Variants in RBFOX1 observed in about 807,000 individuals in gnomAD.
The protein encoded by RBFOX1 is RNA binding protein fox-1 homolog 1.
A neutral mutation model predicts 57.7 loss-of-function variants in RBFOX1; 8 were observed. The observed-to-expected ratio is 0.14, with a 90% CI of 0.08 to 0.25. The LOEUF (loss-of-function observed/expected upper bound fraction) is 0.25, where lower values mean the gene tolerates loss of function less well. Ranked by LOEUF, RBFOX1 falls within the 10% of genes least tolerant of loss-of-function variation. The pLI, the probability that RBFOX1 is intolerant of heterozygous loss-of-function variation, is 1.00. For synonymous variants in RBFOX1, 326 were observed against 222.4 expected (o/e 1.47, Z -4.15); for missense variants, 611 against 548.5 (o/e 1.11, Z -1.14).
intron 4 of RBFOX1, among the ~76,000 whole-genome samples, chr16:7,371,919 A>G (rs2097573663): frequency 6.6e-6 from 1 of 151,776 alleles, no homozygotes; most frequent in Non-Finnish European, 1.5e-5. Context: ...CAGTTTTTCT[A>G]CACTAGGTGG....
intron 3 of RBFOX1, among the ~76,000 whole-genome samples, chr16:5,763,872 T>G (rs1443809203): frequency 6.6e-6 from 1 of 152,228 alleles, no homozygotes; most frequent in Non-Finnish European, 1.5e-5. Context: ...ACTCCTTCTT[T>G]TGGGTTTCCC....
At chr16:7,532,952 C>T (rs1354527335) in intron 5 of RBFOX1, among the ~76,000 whole-genome samples, 1 of 152,172 alleles carries the variant, frequency 6.6e-6, no homozygotes, top group African/African-American at 2.4e-5. Context: ...TTATTGGACT[C>T]ACATTAATTA....
At chr16:6,075,975 C>T (rs1017104805) in intron 1 of RBFOX1, among the ~76,000 whole-genome samples, 2 of 152,250 alleles carry the variant, frequency 1.3e-5, no homozygotes, top group East Asian at 1.9e-4. Flanking sequence ...GAAACAGAGG[C>T]TTATCTTCTG....
chr16:7,137,428 T>G (rs2072344008), intron 4 of RBFOX1, among the ~76,000 whole-genome samples: 1 of 152,116 alleles, frequency 6.6e-6, no homozygotes, highest in African/African-American at 2.4e-5. Flanking sequence ...TCTGATGAGA[T>G]CTGATGGTTT....
rs1456264968 is a variant in RBFOX1, at chr16:6,977,347, T to C, written c.-15-74710T>C. Among the ~76,000 whole-genome samples the C allele has an allele frequency of 3.9e-5, 6 of 152,172 alleles. No individual in the cohort carries two copies. The East Asian group carries it at 1.2e-3, about 29-fold the overall frequency. ...TGATATTATGATCTTTGAAGCAAAATTAGGAATGCCTTTGTTCTCTAGATA... is the reference window on the plus strand; with the variant it reads ...TGATATTATGATCTTTGAAGCAAAACTAGGAATGCCTTTGTTCTCTAGATA... On this transcript the variant is annotated intron_variant, in intron 3 of 15. Transcript: ENST00000550418.
intron 4 of RBFOX1, among the ~76,000 whole-genome samples, chr16:7,277,687 C>G (rs982627240): frequency 3.3e-5 from 5 of 152,082 alleles, no homozygotes; most frequent in Admixed American, 6.5e-5. Context: ...AGGGCGGATA[C>G]CCATCGAAAA....
intron 3 of RBFOX1, among the ~76,000 whole-genome samples, chr16:7,037,585 G>C (rs756296098): frequency 3.3e-5 from 5 of 152,188 alleles, no homozygotes; most frequent in African/African-American, 4.8e-5. Flanking sequence ...ACTGAATTCA[G>C]TTTACTTTCT....
intron 3 of RBFOX1, among the ~76,000 whole-genome samples, chr16:5,848,775 C>T (rs559032333): frequency 2.0e-5 from 3 of 151,986 alleles, no homozygotes; most frequent in East Asian, 1.9e-4. Flanking sequence ...GGTGAAACCC[C>T]GTCTCTAATA....
At chr16:5,382,428 T>C (rs568903) in intron 1 of RBFOX1, among the ~76,000 whole-genome samples, 84,902 of 151,612 alleles carry the variant, frequency 0.56, 24,182 homozygotes, top group African/African-American at 0.62. Flanking sequence ...CCAACACTAT[T>C]TTTAAGTATG....
chr16:6,588,727 C>G (rs530928308), intron 2 of RBFOX1, among the ~76,000 whole-genome samples: 2 of 152,304 alleles, frequency 1.3e-5, no homozygotes, highest in East Asian at 3.9e-4. Context: ...CAAAGTTAGT[C>G]TTGGACCATT....
intron 2 of RBFOX1, among the ~76,000 whole-genome samples, chr16:6,572,695 C>G (rs1396394258): frequency 6.6e-6 from 1 of 151,968 alleles, no homozygotes; most frequent in African/African-American, 2.4e-5. Flanking sequence ...CGGGCTCAAG[C>G]GATTCTCTTG....
intron 3 of RBFOX1, among the ~76,000 whole-genome samples, chr16:5,612,347 A>G (rs2047854166): frequency 1.3e-5 from 2 of 151,038 alleles, no homozygotes; most frequent in Non-Finnish European, 2.9e-5. Context: ...CCATCTGTCC[A>G]TCCATGCAAT....
chr16:6,810,923 T>TTTGGCTCC (rs1264548208), intron 3 of RBFOX1, among the ~76,000 whole-genome samples: 4 of 152,190 alleles, frequency 2.6e-5, no homozygotes, highest in Non-Finnish European at 4.4e-5. Context: ...AGCCAAATCA[T>TTTGGCTCC]ATCAAGGTTC....
chr16:5,683,412 C>T (rs1009739109), intron 3 of RBFOX1, among the ~76,000 whole-genome samples: 5 of 151,726 alleles, frequency 3.3e-5, no homozygotes, highest in Non-Finnish European at 7.4e-5. Flanking sequence ...AGTATTAGTC[C>T]TGGGTGTGTC....
intron 4 of RBFOX1, among the ~76,000 whole-genome samples, chr16:7,278,704 A>C (rs1229322963): frequency 6.6e-6 from 1 of 152,232 alleles, no homozygotes; most frequent in Non-Finnish European, 1.5e-5. Flanking sequence ...TTCAGTGAAA[A>C]CATATTACAA....
At chr16:6,597,570 G>C (rs2154001012) in intron 2 of RBFOX1, among the ~76,000 whole-genome samples, 1 of 152,212 alleles carries the variant, frequency 6.6e-6, no homozygotes, top group East Asian at 1.9e-4. Flanking sequence ...CTATTCGGGA[G>C]GCTGAGGCAG....
chr16:6,342,819 A>C (rs775287949), intron 2 of RBFOX1, among the ~76,000 whole-genome samples: 2 of 152,188 alleles, frequency 1.3e-5, no homozygotes, highest in Non-Finnish European at 2.9e-5. Context: ...GTCTATGCTA[A>C]TCACCTTGAC....
At chr16:5,911,128 A>T (rs938967061) in intron 4 of RBFOX1, among the ~76,000 whole-genome samples, 1 of 152,134 alleles carries the variant, frequency 6.6e-6, no homozygotes, top group Non-Finnish European at 1.5e-5. Context: ...ACTGGCATTG[A>T]TGGAGGGAGC....
At chr16:6,485,376 C>A (rs138442632) in intron 2 of RBFOX1, among the ~76,000 whole-genome samples, 23 of 152,140 alleles carry the variant, frequency 1.5e-4, no homozygotes, top group Admixed American at 6.5e-4. Flanking sequence ...CTCTTGGTCT[C>A]CCTCTGGGTA....
Sources: allele counts gnomAD v4.1 joint callset (sites outside exome capture counted in the v4.1 genomes callset), GRCh38; gene constraint gnomAD v4.1.1; transcripts MANE v1.5; gene names NCBI Gene and HGNC (gene_info 2026-07-23, HGNC 2026-07-21).